Variants in ZFHX2 observed in about 807,000 individuals in gnomAD.
ZFHX2 encodes zinc finger homeobox 2.
Under a neutral mutation model 164.8 loss-of-function variants are expected in ZFHX2, and 75 were observed. The ratio of observed to expected loss-of-function variants is 0.46; its 90% CI spans 0.38 to 0.55. ZFHX2 has a LOEUF of 0.55. ZFHX2 is among the 20% of genes least tolerant of loss of function. ZFHX2 has a pLI of 0.00. For missense variants in ZFHX2, 2,933 were observed against 3,308.0 expected (o/e 0.89, Z 2.78); for synonymous variants, 1,217 against 1,351.4 (o/e 0.90, Z 2.18).
At chr14:23,530,060 C>T in intron 5 of ZFHX2, 60 bp downstream of exon 5, 1 of 1,432,428 alleles carries the variant, frequency 7.0e-7, no homozygotes. Context: ...TGGATTACTG[C>T]AAGGTCCCGT....
At position 23,534,464 on chromosome 14, in the gene ZFHX2, G is replaced by A; in HGVS notation, c.862C>T (p.Leu288Phe). 6.5e-7 allele frequency: 1 copy of A among 1,536,324 alleles called. No individual in the cohort carries two copies. Among genetic ancestry groups the A allele is most frequent in the Non-Finnish European group, 8.7e-7 (1 of 1,146,962 alleles). ...AGTTTTGGCTCCAGAAAGCTTATGA[G>A]GGCCTTGCAGCCTTCATCTCCCTCC... ...LQEGDEGCKALISFLEPKLPA... is the reference protein window; with the variant it reads ...LQEGDEGCKAFISFLEPKLPA... The change falls in exon 2 of 10, where the codon CTC becomes TTC. Residue 288 changes from leucine to phenylalanine, a missense_variant. By Grantham distance (22) the Leu-to-Phe change is conservative (BLOSUM62 0). Transcript: ENST00000419474. The surrounding 1 kb of genome is among the most constrained non-coding windows in gnomAD (Gnocchi z 4.5).
At chr14:23,527,091 T>A in intron 7 of ZFHX2, 118 bp from the exon 8 acceptor site, 2 of 1,375,036 alleles carry the variant, frequency 1.5e-6, no homozygotes, top group South Asian at 1.8e-5. Flanking sequence ...AGATCCAGCC[T>A]CCTGTCTGAA....
rs901487247 is a variant in ZFHX2 at position 23,551,009 on chromosome 14, G to A, written c.-50+334C>T. Among the ~76,000 whole-genome samples, 2 of 151,586 alleles carry A rather than the reference G, an allele frequency of 1.3e-5. No individual in the cohort carries two copies. The highest frequency in any genetic ancestry group is 1.5e-5 in the Non-Finnish European group (1 of 67,922). On this transcript the variant is annotated intron_variant, in intron 1 of 9. Transcript: ENST00000419474. The surrounding 1 kb of genome is among the most constrained non-coding windows in gnomAD (Gnocchi z 5.3). ...CTCCCTGCCCAACTCGGCGCGGTCC[G>A]TCTAGGCTTTCCATACCCTTCGTCT...
rs571798585 is a variant in ZFHX2, at chr14:23,534,404, T to C, written c.922A>G (p.Asn308Asp). The C allele has an allele frequency of 7.5e-5, 115 of 1,536,826 alleles. No homozygotes were observed. In the African/African-American group the frequency reaches 1.4e-3, roughly 19 times the overall value. ...GCCTCCATGTTCACTGTGCTGCTGT[T>C]GTCAAGGGGTATGTCAGAAGAGGGG... is the stretch of plus-strand genomic sequence containing the variant. Reference protein sequence around the residue: ...ARPSSDIPLDNSSTVNMEANV... With the variant: ...ARPSSDIPLDDSSTVNMEANV... Residue 308 changes from asparagine to aspartate, a missense_variant, in exon 2 of 10, where the codon AAC (asparagine) becomes GAC (aspartate). Transcript: ENST00000419474. This position sits in a 1 kb window ranked among gnomAD's most constrained non-coding sequence, Gnocchi z 4.5.
intron 1 of ZFHX2, among the ~76,000 whole-genome samples, chr14:23,539,901 A>G (rs1451345140): frequency 6.6e-6 from 1 of 152,142 alleles, no homozygotes; most frequent in Non-Finnish European, 1.5e-5. Flanking sequence ...TCCAAACCCA[A>G]CTCCATGGCA....
chr14:23,553,938 C>A (rs761596480), upstream of ZFHX2, among the ~76,000 whole-genome samples: 1 of 149,686 alleles, frequency 6.7e-6, no homozygotes, highest in Admixed American at 6.7e-5. Flanking sequence ...GTGGCACGTG[C>A]CTGTAGTCCC....
chr14:23,536,520 C>A lies in ZFHX2; in HGVS notation c.-49-1146G>T, dbSNP rs543203432. On this transcript the variant is annotated intron_variant, in intron 1 of 9. Transcript: ENST00000419474. Reference sequence around the variant, plus strand: ...CTAGTCGGTTGCCTCCTCTTCCTCCCAAAAGAGGTAACAAATAATAAGTAA... The same window carrying A: ...CTAGTCGGTTGCCTCCTCTTCCTCCAAAAAGAGGTAACAAATAATAAGTAA... Among the ~76,000 whole-genome samples the A allele has an allele frequency of 3.7e-4, 56 of 152,272 alleles. No individual in the cohort carries two copies. The South Asian group carries it at 0.011, about 30-fold the overall frequency.
intron 3 of ZFHX2, 75 bp from the exon 4 acceptor site, chr14:23,531,796 T>C (rs1879591790): frequency 8.0e-6 from 10 of 1,250,784 alleles, no homozygotes; most frequent in Non-Finnish European, 1.0e-5. Context: ...TTTTTTTTTC[T>C]AGAGAGAGTC....
rs1019086700 is a variant in ZFHX2 at position 23,521,557 on chromosome 14, C to CGT, written c.*403_*404dup. ...TTCTCAGTGGAACATCATGGGATAA[C>CGT]GTGTGTGTGTGCATGTATGTGTATG... On this transcript the variant is annotated 3_prime_UTR_variant, in exon 10 of 10. Transcript: ENST00000419474. 1.2e-4 allele frequency: 20 copies of CGT among 165,434 alleles called. 1 individual carries two copies. The East Asian group carries it at 3.0e-3, about 25-fold the overall frequency. 10.2% of individuals were successfully genotyped at this position (165,434 alleles called of 1,614,324 possible).
rs1357347662 is a variant in ZFHX2, at chr14:23,522,290, G to A, written c.7391C>T (p.Ala2464Val). 1.3e-6 allele frequency: 2 copies of A among 1,506,092 alleles called. No homozygotes were observed. The highest frequency in any genetic ancestry group is 1.8e-6 in the Non-Finnish European group (2 of 1,129,428). The allele number at this position is 1,506,092 out of a possible 1,614,324, so 93.3% of individuals were successfully genotyped here. A position where few individuals can be genotyped will look rare whatever the true frequency, so the allele number is the denominator to read the frequency against. Residue 2464 changes from alanine (A) to valine (V), a missense_variant, in exon 10 of 10, where the codon GCC becomes GTC. Coordinates refer to ENST00000419474, the MANE Select transcript of ZFHX2 (RefSeq NM_033400.3). The stretch of plus-strand genomic sequence containing the variant: ...GGATCTCTGGTGGGCAGTAGCCGGG[G>A]CCTCCCCGTCAAATGCCATCTTGCA... ...RQCKMAFDGE[A>V]PATAHQRSFC...
intron 1 of ZFHX2, among the ~76,000 whole-genome samples, chr14:23,538,458 C>T (rs1462066450): frequency 6.6e-6 from 1 of 151,936 alleles, no homozygotes; most frequent in Admixed American, 6.6e-5. Context: ...TCCTTCCTTC[C>T]CTCTCAGAAT....
chr14:23,547,188 C>G (rs1881480712), intron 1 of ZFHX2, among the ~76,000 whole-genome samples: 1 of 152,370 alleles, frequency 6.6e-6, no homozygotes, highest in Non-Finnish European at 1.5e-5. Context: ...CCATCCCTCA[C>G]AGGGTTCTTT....
At chr14:23,548,955 C>T (rs189158285) in intron 1 of ZFHX2, among the ~76,000 whole-genome samples, 53 of 152,304 alleles carry the variant, frequency 3.5e-4, no homozygotes, top group Non-Finnish European at 6.0e-4. Context: ...TTTCCTCCTA[C>T]CAAGCTCTGT....
chr14:23,526,612 C>T lies in ZFHX2; in HGVS notation c.3330G>A (p.Glu1110=). ...GGCTTCCTGAGGGTTTGTCTGGGAC[C>T]TCAACTGAGGCCAGGGGAGGCTCAG... ...PLPEPPLASV[E]VPDKPSGSPG... Residue 1110 remains glutamate, a synonymous_variant, in exon 9 of 10, where the codon GAG becomes GAA. Transcript: ENST00000419474. The T allele has an allele frequency of 6.5e-7, 1 of 1,535,812 alleles. No homozygotes were observed. The highest frequency in any genetic ancestry group is 8.7e-7 in the Non-Finnish European group (1 of 1,146,818).
chr14:23,554,127 G>A (rs947553836), upstream of ZFHX2, among the ~76,000 whole-genome samples: 11 of 151,976 alleles, frequency 7.2e-5, no homozygotes, highest in South Asian at 2.1e-4. Context: ...GTGAAGCTGG[G>A]AGTCGACCTC....
Position 23,525,639 on chromosome 14 carries a change from C to A in ZFHX2, c.4303G>T (p.Ala1435Ser). The A allele has an allele frequency of 6.5e-7, 1 of 1,535,884 alleles. No homozygotes were observed. ...SSPPDPLPNE[A>S]ARTAAKALLE... ...AGGGCTTTGGCTGCAGTGCGGGCAG[C>A]CTCGTTGGGCAATGGGTCGGGGGGT... is the stretch of plus-strand genomic sequence containing the variant. Residue 1435 changes from alanine (A) to serine (S), a missense_variant, in exon 9 of 10, where the codon GCT becomes TCT. Transcript: ENST00000419474. This position sits in a 1 kb window ranked among gnomAD's most constrained non-coding sequence, Gnocchi z 5.9.
rs116611163 is a variant in ZFHX2 at position 23,550,798 on chromosome 14, C to A, written c.-50+545G>T. 7.9e-3 allele frequency among the ~76,000 whole-genome samples: 1,207 copies of A among 152,236 alleles called. 14 individuals carry two copies. Among genetic ancestry groups the A allele is most frequent in the African/African-American group, 0.027 (1,137 of 41,520 alleles). On this transcript the variant is annotated intron_variant, in intron 1 of 9. Coordinates refer to ENST00000419474, the MANE Select transcript of ZFHX2 (RefSeq NM_033400.3). Reference sequence around the variant, plus strand: ...AAGCCCAACTTCAGCCAAAAACGAACGAAGACTGAGAGTATCCACGTCCCC... The same window carrying A: ...AAGCCCAACTTCAGCCAAAAACGAAAGAAGACTGAGAGTATCCACGTCCCC...
At position 23,523,672 on chromosome 14, in the gene ZFHX2, G is replaced by C; in HGVS notation, c.6270C>G (p.Pro2090=). 1.9e-6 allele frequency: 3 copies of C among 1,540,728 alleles called. No individual in the cohort carries two copies. The highest frequency in any genetic ancestry group is 1.2e-5 in the South Asian group (1 of 84,462). Residue 2090 remains proline (P), a synonymous_variant, in exon 9 of 10, where the codon CCC becomes CCG. Coordinates refer to ENST00000419474, the MANE Select transcript of ZFHX2 (RefSeq NM_033400.3). The surrounding 1 kb of genome is among the most constrained non-coding windows in gnomAD (Gnocchi z 4.1). ...CCAGCACCTCACACTCCTGCATGGT[G>C]GGGGTGCGGTAAGCTTCATAGCAGG... ...MKACYEAYRT[P]TMQECEVLGE... is the part of the protein sequence containing the mutation.
chr14:23,533,617 T>A lies in ZFHX2; in HGVS notation c.1709A>T (p.Gln570Leu), dbSNP rs1313671602. ...DKEPKTKSSWQCKVCSYETNI... is the reference protein window; with the variant it reads ...DKEPKTKSSWLCKVCSYETNI... ...TGTCTCGTAGCTGCACACCTTGCACTGCCAGGATGATTTGGTCTTAGGCTC... is the reference window on the plus strand; with the variant it reads ...TGTCTCGTAGCTGCACACCTTGCACAGCCAGGATGATTTGGTCTTAGGCTC... Residue 570 changes from glutamine to leucine, a missense_variant, in exon 2 of 10, where the codon CAG becomes CTG. By Grantham distance (113) the Gln-to-Leu change is moderately radical (BLOSUM62 -2). Transcript: ENST00000419474. This position sits in a 1 kb window ranked among gnomAD's most constrained non-coding sequence, Gnocchi z 4.8. 2 of 1,536,854 alleles carry A rather than the reference T, an allele frequency of 1.3e-6. No individual in the cohort carries two copies. Among genetic ancestry groups the A allele is most frequent in the South Asian group, 2.4e-5 (2 of 84,068 alleles).
Sources: allele counts gnomAD v4.1 joint callset (sites outside exome capture counted in the v4.1 genomes callset), GRCh38; gene constraint gnomAD v4.1.1; non-coding constraint Gnocchi (gnomAD v3.1); transcripts MANE v1.5; gene names NCBI Gene and HGNC (gene_info 2026-07-23, HGNC 2026-07-21).